SLC25A21: variants seen among roughly 807,000 people sequenced by gnomAD.
SLC25A21 encodes mitochondrial 2-oxodicarboxylate carrier.
SLC25A21 carries 47 observed loss-of-function variants against 43.8 expected under a neutral mutation model. That is an observed-to-expected ratio of 1.07 (90% CI 0.85 to 1.37). The LOEUF (loss-of-function observed/expected upper bound fraction) is 1.37. Ranked by LOEUF, SLC25A21 falls within the 40% of genes most tolerant of loss-of-function variation. The pLI, the probability that SLC25A21 is intolerant of heterozygous loss-of-function variation, is 0.00. For synonymous variants in SLC25A21, 131 were observed against 121.3 expected, an observed-to-expected ratio of 1.08 and a Z score of -0.52; for missense variants, 352 against 350.2, an observed-to-expected ratio of 1.00 and a Z score of -0.04.
At chr14:36,816,497 CTTT>C (rs373274280) in intron 2 of SLC25A21, among the ~76,000 whole-genome samples, 64 of 131,804 alleles carry the variant, frequency 4.9e-4, no homozygotes, top group African/African-American at 1.4e-3. Context: ...ATATTCTCCT[CTTT>C]TTTTTTTTTT....
intron 3 of SLC25A21, among the ~76,000 whole-genome samples, chr14:36,796,998 G>A (rs766622120): frequency 1.3e-5 from 2 of 152,122 alleles, no homozygotes; most frequent in African/African-American, 4.8e-5. Context: ...GTGGACATAG[G>A]ATCAGGAGAT....
intron 1 of SLC25A21, among the ~76,000 whole-genome samples, chr14:36,925,848 A>G (rs937361402): frequency 1.3e-5 from 2 of 152,282 alleles, no homozygotes; most frequent in African/African-American, 4.8e-5. Flanking sequence ...CTCCATCTCA[A>G]AACAAAAACA....
intron 3 of SLC25A21, among the ~76,000 whole-genome samples, chr14:36,779,503 A>ATATATATAAGAATAAACATATTCC (rs1229343648): frequency 8.3e-5 from 12 of 144,842 alleles, no homozygotes; most frequent in African/African-American, 3.0e-4. Context: ...ACATATTCCT[A>ATATATATAAGAATAAACATATTCC]TATATATAAG....
intron 3 of SLC25A21, among the ~76,000 whole-genome samples, chr14:36,805,011 C>T (rs1566630267): frequency 6.6e-6 from 1 of 152,056 alleles, no homozygotes; most frequent in Non-Finnish European, 1.5e-5. Flanking sequence ...CTATGGAATC[C>T]CACCTTTCCC....
intron 1 of SLC25A21, among the ~76,000 whole-genome samples, chr14:37,003,137 A>G (rs1960524282): frequency 6.6e-6 from 1 of 152,350 alleles, no homozygotes; most frequent in Non-Finnish European, 1.5e-5. Flanking sequence ...ATACATACCT[A>G]TGACTAAGTT....
intron 1 of SLC25A21, among the ~76,000 whole-genome samples, chr14:36,881,384 T>C (rs1030584552): frequency 1.3e-5 from 2 of 152,134 alleles, no homozygotes; most frequent in African/African-American, 4.8e-5. Flanking sequence ...AGGAAGTAGT[T>C]CTTAAAACTG....
chr14:36,861,595 C>T (rs1490928200), intron 2 of SLC25A21, among the ~76,000 whole-genome samples: 1 of 152,220 alleles, frequency 6.6e-6, no homozygotes, highest in African/African-American at 2.4e-5. Flanking sequence ...TTGAGACACG[C>T]ACCTGCTCTT....
intron 1 of SLC25A21, among the ~76,000 whole-genome samples, chr14:37,122,928 C>A (rs1413505737): frequency 1.3e-5 from 2 of 152,168 alleles, no homozygotes; most frequent in Non-Finnish European, 2.9e-5. Flanking sequence ...GTCTATATAG[C>A]TGATAACAAT....
chr14:36,743,912 G>T (rs1221636705), intron 3 of SLC25A21, among the ~76,000 whole-genome samples: 1 of 152,052 alleles, frequency 6.6e-6, no homozygotes, highest in East Asian at 1.9e-4. Context: ...ATCGAGAACT[G>T]AATCTCATTT....
At chr14:36,751,733 C>G (rs1208962598) in intron 3 of SLC25A21, among the ~76,000 whole-genome samples, 1 of 152,162 alleles carries the variant, frequency 6.6e-6, no homozygotes, top group Non-Finnish European at 1.5e-5. Flanking sequence ...AGTAAACATA[C>G]TTCAATTTTG....
At position 36,764,083 on chromosome 14, in the gene SLC25A21, G is replaced by GAAAGAAAGAAAGAAA. The variant is rs1213150423; in HGVS notation, c.204-29511_204-29510insTTTCTTTCTTTCTTT. On this transcript the variant is annotated intron_variant, in intron 3 of 9. Coordinates refer to ENST00000331299, the MANE Select transcript of SLC25A21 (RefSeq NM_030631.4). Reference sequence around the variant, plus strand: ...AAGAAAGAAAGAAAGAAAGAAAGAAGGAAGGAAGGAAGGAAGGAAGGAAGG... The same window carrying GAAAGAAAGAAAGAAA: ...AAGAAAGAAAGAAAGAAAGAAAGAAGAAAGAAAGAAAGAAAGAAGGAAGGAAGGAAGGAAGGAAGG... Among the ~76,000 whole-genome samples, 94 of 19,698 alleles carry GAAAGAAAGAAAGAAA rather than the reference G, an allele frequency of 4.8e-3. 3 individuals are homozygous for GAAAGAAAGAAAGAAA. The highest frequency in any genetic ancestry group is 0.031 in the South Asian group (12 of 382). 12.9% of individuals were successfully genotyped at this position (19,698 alleles called of 152,430 possible).
chr14:36,900,206 G>A (rs1006425543), intron 1 of SLC25A21, among the ~76,000 whole-genome samples: 2 of 151,922 alleles, frequency 1.3e-5, no homozygotes, highest in South Asian at 2.1e-4. Context: ...TATGATGCAA[G>A]AGGCAAGCAG....
At chr14:36,731,489 G>A (rs1333700108) in intron 4 of SLC25A21, among the ~76,000 whole-genome samples, 3 of 152,112 alleles carry the variant, frequency 2.0e-5, no homozygotes, top group African/African-American at 7.2e-5. Flanking sequence ...TCCCTGACAG[G>A]ACTGGCACAA....
At chr14:36,824,518 TTGTA>T (rs1319218030) in intron 2 of SLC25A21, among the ~76,000 whole-genome samples, 5 of 152,126 alleles carry the variant, frequency 3.3e-5, no homozygotes, top group Non-Finnish European at 7.4e-5. Flanking sequence ...GTTGAGAGCA[TTGTA>T]ACATATATAA....
chr14:36,920,676 G>T (rs1265928559), intron 1 of SLC25A21, among the ~76,000 whole-genome samples: 1 of 151,952 alleles, frequency 6.6e-6, no homozygotes, highest in Non-Finnish European at 1.5e-5. Context: ...TGCAATTTGG[G>T]TTTCAAAGAT....
chr14:36,890,827 G>C (rs1020328227), intron 1 of SLC25A21, among the ~76,000 whole-genome samples: 21 of 152,128 alleles, frequency 1.4e-4, no homozygotes, highest in African/African-American at 5.1e-4. Context: ...TTTAACAACT[G>C]TTTAAGTAAT....
At chr14:36,760,316 T>C (rs1245762414) in intron 3 of SLC25A21, among the ~76,000 whole-genome samples, 2 of 143,920 alleles carry the variant, frequency 1.4e-5, no homozygotes, top group Non-Finnish European at 3.0e-5. Context: ...GCCATGTTGA[T>C]TTAGGCAGCT....
At chr14:37,130,102 A>AC (rs889625775) in intron 1 of SLC25A21, among the ~76,000 whole-genome samples, 1 of 150,328 alleles carries the variant, frequency 6.7e-6, no homozygotes, top group African/African-American at 2.4e-5. Context: ...AAAAAAAAAA[A>AC]ACAACTTTAA....
chr14:36,751,911 G>C (rs1289098642), intron 3 of SLC25A21, among the ~76,000 whole-genome samples: 3 of 152,180 alleles, frequency 2.0e-5, no homozygotes, highest in Non-Finnish European at 4.4e-5. Flanking sequence ...AGCACCTAAA[G>C]ATTTGGAGTC....
Sources: allele counts gnomAD v4.1 joint callset (sites outside exome capture counted in the v4.1 genomes callset), GRCh38; gene constraint gnomAD v4.1.1; transcripts MANE v1.5; gene names NCBI Gene and HGNC (gene_info 2026-07-23, HGNC 2026-07-21).